The following LRRC14 variants were observed in gnomAD, a reference collection of about 807,000 sequenced individuals.
LRRC14 encodes the protein leucine rich repeat containing 14, also known as leucine-rich repeat-containing protein 14.
Under a neutral mutation model 25.3 loss-of-function variants are expected in LRRC14, and 16 were observed. The ratio of observed to expected loss-of-function variants is 0.63; its 90% confidence interval spans 0.43 to 0.96. The LOEUF is 0.96. Among genes scored for constraint, LRRC14 ranks in the 40% least tolerant of loss-of-function variants. LRRC14 has a pLI of 0.00. For missense variants in LRRC14, 594 were observed against 660.5 expected (o/e 0.90, Z 1.10); for synonymous variants, 359 against 295.1 (o/e 1.22, Z -2.22).
Position 144,520,595 on chromosome 8 carries a change from C to T in LRRC14, c.687C>T (p.Phe229=), listed in dbSNP as rs747434751. The change falls in exon 3 of 4, where the codon TTC becomes TTT. Residue 229 remains phenylalanine (F), a synonymous_variant. Coordinates refer to ENST00000292524, the MANE Select transcript of LRRC14 (RefSeq NM_014665.4). ...AGCLRRVDLR[F]NNLGLRGLSV... Reference sequence around the variant, plus strand: ...GCCTGCGCCGCGTGGACCTGCGCTTCAACAATCTGGGCCTGCGCGGCCTGT... The same window carrying T: ...GCCTGCGCCGCGTGGACCTGCGCTTTAACAATCTGGGCCTGCGCGGCCTGT... 8 of 1,601,072 alleles carry T rather than the reference C, an allele frequency of 5.0e-6. No individual in the cohort carries two copies. The South Asian group carries it at 7.7e-5, about 15-fold the overall frequency.
Position 144,520,242 on chromosome 8 carries a change from C to T in LRRC14, c.334C>T (p.His112Tyr), listed in dbSNP as rs755765195. ...GASTQPLCRK[H>Y]ALRVLDMTGL... ...TCACACCATTCCTACTCCCAGGAAG[C>T]ATGCGCTGCGGGTGCTGGACATGAC... Residue 112 changes from histidine to tyrosine, a missense_variant, in exon 3 of 4, where the codon CAT (histidine) becomes TAT (tyrosine). Coordinates refer to ENST00000292524, the MANE Select transcript of LRRC14 (RefSeq NM_014665.4). 1.9e-6 allele frequency: 3 copies of T among 1,607,500 alleles called. No individual in the cohort carries two copies. The highest frequency in any genetic ancestry group is 1.1e-5 in the South Asian group (1 of 91,044).
At position 144,522,751 on chromosome 8, in the gene LRRC14, G is replaced by C. The variant is rs1191976812; in HGVS notation, c.*1273G>C. On this transcript the variant is annotated 3_prime_UTR_variant, in exon 4 of 4. Transcript: ENST00000292524. The stretch of plus-strand genomic sequence containing the variant: ...TGCGGCGCCGGCGACAGATCATGGC[G>C]ACCAGGAGCAGCGCCGTGAGCGCCA... The C allele has an allele frequency of 1.3e-6, 2 of 1,585,352 alleles. No individual in the cohort carries two copies. The highest frequency in any genetic ancestry group is 2.3e-5 in the East Asian group (1 of 42,764).
At position 144,523,014 on chromosome 8, in the gene LRRC14, T is replaced by A; in HGVS notation, c.*1536T>A. The stretch of plus-strand genomic sequence containing the variant: ...TACTTACCGGCGTGCGCCAGCGTGA[T>A]GTTGCTGAGGAAGAGCATGCCGCTG... On this transcript the variant is annotated 3_prime_UTR_variant, in exon 4 of 4. Coordinates refer to ENST00000292524, the MANE Select transcript of LRRC14 (RefSeq NM_014665.4). 1 of 1,597,510 alleles carries A rather than the reference T, an allele frequency of 6.3e-7. No homozygotes were observed. The highest frequency in any genetic ancestry group is 8.5e-7 in the Non-Finnish European group (1 of 1,174,998).
At position 144,521,147 on chromosome 8, in the gene LRRC14, C is replaced by T. The variant is rs1816012081; in HGVS notation, c.1151C>T (p.Ala384Val). ...CAGCTCGCAGACACCCAGCTGTTGG[C>T]CACACTACCCATCCTGACTCAGTGC... ...ECQLADTQLL[A>V]TLPILTQCAS... Residue 384 changes from alanine (A) to valine (V), a missense_variant, in exon 4 of 4, where the codon GCC becomes GTC. Transcript: ENST00000292524. 6.8e-6 allele frequency: 11 copies of T among 1,612,982 alleles called. No homozygotes were observed. The highest frequency in any genetic ancestry group is 2.7e-5 in the African/African-American group (2 of 74,918).
In LRRC14 at chr8:144,523,634, A is replaced by C; in HGVS notation, c.*2156A>C. On this transcript the variant is annotated 3_prime_UTR_variant, in exon 4 of 4. Coordinates refer to ENST00000292524, the MANE Select transcript of LRRC14 (RefSeq NM_014665.4). The stretch of plus-strand genomic sequence containing the variant: ...TAGCTCTGTGATGCCTGCCTGTTAC[A>C]GATCACTTCTCCGTCGGTCTCTGAG... 1 of 557,754 alleles carries C rather than the reference A, an allele frequency of 1.8e-6. No individual in the cohort carries two copies. Among genetic ancestry groups the C allele is most frequent in the Non-Finnish European group, 2.8e-6 (1 of 353,396 alleles). 34.6% of individuals were successfully genotyped at this position (557,754 alleles called of 1,614,324 possible).
At position 144,523,240 on chromosome 8, in the gene LRRC14, C is replaced by G. The variant is rs992489367; in HGVS notation, c.*1762C>G. 1 of 1,610,018 alleles carries G rather than the reference C, an allele frequency of 6.2e-7. No homozygotes were observed. Among genetic ancestry groups the G allele is most frequent in the South Asian group, 1.1e-5 (1 of 90,680 alleles). ...CCAGCGGCTGCACGTGGACAGAGGGCGGAATGCAGATGAGGCTGCTGTGGG... is the reference window on the plus strand; with the variant it reads ...CCAGCGGCTGCACGTGGACAGAGGGGGGAATGCAGATGAGGCTGCTGTGGG... On this transcript the variant is annotated 3_prime_UTR_variant, in exon 4 of 4. Transcript: ENST00000292524.
intron 1 of LRRC14, chr8:144,518,275 T>C (rs1418134670): frequency 6.6e-6 from 1 of 152,210 alleles, no homozygotes; most frequent in Non-Finnish European, 1.5e-5. Flanking sequence ...GGGAGACGCA[T>C]CCGACCTGGA....
At chr8:144,518,827 C>T (rs903807050) in intron 1 of LRRC14, 2 of 152,284 alleles carry the variant, frequency 1.3e-5, no homozygotes, top group Admixed American at 6.5e-5. Flanking sequence ...TACCTTGTGG[C>T]CTTGGGAGTG....
rs772316911 is a variant in LRRC14 at position 144,520,960 on chromosome 8, C to T, written c.964C>T (p.Leu322=). ...ESLELAFCAL[L]PEDLRFLARS... Reference sequence around the variant, plus strand: ...CCTGGAGTTGGCCTTCTGTGCTCTGCTGCCTGAGGACCTACGCTTCCTGGC... The same window carrying T: ...CCTGGAGTTGGCCTTCTGTGCTCTGTTGCCTGAGGACCTACGCTTCCTGGC... Residue 322 remains leucine, a synonymous_variant, in exon 4 of 4, where the codon CTG becomes TTG. Coordinates refer to ENST00000292524, the MANE Select transcript of LRRC14 (RefSeq NM_014665.4). 11 of 1,612,890 alleles carry T rather than the reference C, an allele frequency of 6.8e-6. No individual in the cohort carries two copies. The highest frequency in any genetic ancestry group is 5.3e-5 in the African/African-American group (4 of 74,928).
Position 144,524,369 on chromosome 8 carries a change from C to G in LRRC14, c.*2891C>G. The G allele has an allele frequency of 6.3e-7, 1 of 1,594,176 alleles. No individual in the cohort carries two copies. The highest frequency in any genetic ancestry group is 2.2e-5 in the East Asian group (1 of 44,786). On this transcript the variant is annotated 3_prime_UTR_variant, in exon 4 of 4. Coordinates refer to ENST00000292524, the MANE Select transcript of LRRC14 (RefSeq NM_014665.4). ...ACCAAGCTAGACTGGGTTGCCTTTT[C>G]TAACTATTCCAGCCCTACAGGGCGA... is the stretch of plus-strand genomic sequence containing the variant.
chr8:144,522,515 A>AGTCCCGGCCCCGCCCCCTG lies in LRRC14; in HGVS notation c.*1038_*1056dup. On this transcript the variant is annotated 3_prime_UTR_variant, in exon 4 of 4. Transcript: ENST00000292524. ...GTAGGCGACCGGCGGGGGCACGCGG[A>AGTCCCGGCCCCGCCCCCTG]GTCCCGGCCCCGCCCCCTGTTCCGG... 3.3e-6 allele frequency: 5 copies of AGTCCCGGCCCCGCCCCCTG among 1,500,162 alleles called. No homozygotes were observed. The highest frequency in any genetic ancestry group is 4.4e-6 in the Non-Finnish European group (5 of 1,129,510). The allele number at this position is 1,500,162 out of a possible 1,614,324, so 92.9% of individuals were successfully genotyped here.
Position 144,522,849 on chromosome 8 carries a change from C to G in LRRC14, c.*1371C>G, listed in dbSNP as rs760256754. The G allele has an allele frequency of 5.5e-6, 7 of 1,283,954 alleles. No individual in the cohort carries two copies. Among genetic ancestry groups the G allele is most frequent in the Non-Finnish European group, 6.9e-6 (7 of 1,021,756 alleles). The allele number at this position is 1,283,954 out of a possible 1,614,324, so 79.5% of individuals were successfully genotyped here. Reference sequence around the variant, plus strand: ...GCGCGGAAGGCCATGCTGCCCGCCTCGGGCCGGGGCTCGCTGCCGGCGGGG... The same window carrying G: ...GCGCGGAAGGCCATGCTGCCCGCCTGGGGCCGGGGCTCGCTGCCGGCGGGG... On this transcript the variant is annotated 3_prime_UTR_variant, in exon 4 of 4. Coordinates refer to ENST00000292524, the MANE Select transcript of LRRC14 (RefSeq NM_014665.4).
rs994327204 is a variant in LRRC14 at position 144,524,174 on chromosome 8, C to G, written c.*2696C>G. 6.2e-7 allele frequency: 1 copy of G among 1,611,294 alleles called. No homozygotes were observed. Among genetic ancestry groups the G allele is most frequent in the Non-Finnish European group, 8.5e-7 (1 of 1,178,822 alleles). On this transcript the variant is annotated 3_prime_UTR_variant, in exon 4 of 4. Coordinates refer to ENST00000292524, the MANE Select transcript of LRRC14 (RefSeq NM_014665.4). ...GGGCCTCTCGGCTGATGGTGCCCAG[C>G]TGGTTCCTGCTGAGGTCCAGCAGTG...
chr8:144,524,709 A>G lies in LRRC14; in HGVS notation c.*3231A>G. The G allele has an allele frequency of 6.9e-7, 1 of 1,457,118 alleles. No homozygotes were observed. Among genetic ancestry groups the G allele is most frequent in the Non-Finnish European group, 9.0e-7 (1 of 1,112,922 alleles). 90.3% of individuals were successfully genotyped at this position (1,457,118 alleles called of 1,614,324 possible). ...TAGGCGGGCGATGTTGTTGTCCTGC[A>G]GGAACAGTGTCTGCAGGCCGGGGAA... On this transcript the variant is annotated 3_prime_UTR_variant, in exon 4 of 4. Transcript: ENST00000292524.
chr8:144,523,512 C>T lies in LRRC14; in HGVS notation c.*2034C>T, dbSNP rs1281050946. Reference sequence around the variant, plus strand: ...GGACAGAGGCCTCTTTCCCACCTCCCACAGCGTTTTCACACGGAGTCCAAG... The same window carrying T: ...GGACAGAGGCCTCTTTCCCACCTCCTACAGCGTTTTCACACGGAGTCCAAG... On this transcript the variant is annotated 3_prime_UTR_variant, in exon 4 of 4. Transcript: ENST00000292524. 1 of 1,422,108 alleles carries T rather than the reference C, an allele frequency of 7.0e-7. No individual in the cohort carries two copies. Among genetic ancestry groups the T allele is most frequent in the African/African-American group, 1.5e-5 (1 of 66,886 alleles). The allele number at this position is 1,422,108 out of a possible 1,614,324, so 88.1% of individuals were successfully genotyped here.
chr8:144,520,590 C>G lies in LRRC14; in HGVS notation c.682C>G (p.Arg228Gly). ...DAGCLRRVDL[R>G]FNNLGLRGLS... ...AGGCTGCCTGCGCCGCGTGGACCTG[C>G]GCTTCAACAATCTGGGCCTGCGCGG... The change falls in exon 3 of 4, where the codon CGC (arginine) becomes GGC (glycine). Residue 228 changes from arginine (R) to glycine (G), a missense_variant. By Grantham distance (125) the Arg-to-Gly change is moderately radical (BLOSUM62 -2). Coordinates refer to ENST00000292524, the MANE Select transcript of LRRC14 (RefSeq NM_014665.4). 3 of 1,600,964 alleles carry G rather than the reference C, an allele frequency of 1.9e-6. No homozygotes were observed. The highest frequency in any genetic ancestry group is 2.5e-6 in the Non-Finnish European group (3 of 1,179,942).
Position 144,521,151 on chromosome 8 carries a change from A to G in LRRC14, c.1155A>G (p.Thr385=), listed in dbSNP as rs755921776. The G allele has an allele frequency of 1.2e-6, 2 of 1,613,040 alleles. No individual in the cohort carries two copies. Among genetic ancestry groups the G allele is most frequent in the South Asian group, 1.1e-5 (1 of 91,088 alleles). Residue 385 remains threonine, a synonymous_variant, in exon 4 of 4, where the codon ACA becomes ACG. Transcript: ENST00000292524. ...CQLADTQLLA[T]LPILTQCASL... ...TCGCAGACACCCAGCTGTTGGCCAC[A>G]CTACCCATCCTGACTCAGTGCGCCA... is the stretch of plus-strand genomic sequence containing the variant.
In LRRC14 at chr8:144,520,514, T is replaced by C. The variant is rs779145842; in HGVS notation, c.606T>C (p.Ala202=). The C allele has an allele frequency of 3.8e-6, 6 of 1,599,258 alleles. No homozygotes were observed. The highest frequency in any genetic ancestry group is 5.1e-6 in the Non-Finnish European group (6 of 1,179,260). ...PLRLCCRDLR[A]EDLPMRNTVA... ...GGCTCTGCTGCCGGGACCTGCGAGC[T>C]GAGGACCTGCCCATGCGCAACACTG... The change falls in exon 3 of 4, where the codon GCT becomes GCC. Residue 202 remains alanine, a synonymous_variant. Coordinates refer to ENST00000292524, the MANE Select transcript of LRRC14 (RefSeq NM_014665.4).
Position 144,522,695 on chromosome 8 carries a change from TC to T in LRRC14, c.*1222del. ...GTAGTCGTTGACGAACAGCGCTCCC[TC>T]CCCCGGAGGCCCCCGCGCCTTTTTT... On this transcript the variant is annotated 3_prime_UTR_variant, in exon 4 of 4. Coordinates refer to ENST00000292524, the MANE Select transcript of LRRC14 (RefSeq NM_014665.4). 2 of 1,595,616 alleles carry T rather than the reference TC, an allele frequency of 1.3e-6. No homozygotes were observed. Among genetic ancestry groups the T allele is most frequent in the South Asian group, 1.1e-5 (1 of 88,688 alleles).
Sources: gnomAD v4.1 joint callset for allele counts on GRCh38, gnomAD v4.1.1 for gene constraint, MANE v1.5 for transcripts, NCBI Gene and HGNC (gene_info 2026-07-23, HGNC 2026-07-21) for gene names.